PLA2G4F: variants seen among roughly 807,000 people sequenced by gnomAD.
The protein encoded by PLA2G4F is cytosolic phospholipase A2 zeta.
In PLA2G4F, 105 loss-of-function variants were observed where a neutral mutation model predicts 103.1. That is an observed-to-expected ratio of 1.02 (90% confidence interval 0.87 to 1.20). PLA2G4F has a LOEUF of 1.20. Among genes scored for constraint, PLA2G4F ranks in the 50% most tolerant of loss-of-function variants. The pLI is 0.00. For synonymous variants in PLA2G4F, 468 were observed against 441.1 expected (o/e 1.06, Z -0.76); for missense variants, 1,155 against 1,075.9 (o/e 1.07, Z -1.03).
chr15:42,140,376 TGAA>T lies in PLA2G4F; in HGVS notation c.*1605_*1607del, dbSNP rs1041420820. Reference sequence around the variant, plus strand: ...GTGCAGTTCTGAGCTGTGAACCCTATGAAGGTTTTACTAACAAGTTATTGATGA... The same window carrying T: ...GTGCAGTTCTGAGCTGTGAACCCTATGGTTTTACTAACAAGTTATTGATGA... On this transcript the variant is annotated 3_prime_UTR_variant, in exon 20 of 20. Coordinates refer to ENST00000397272, the MANE Select transcript of PLA2G4F (RefSeq NM_213600.4). 1 of 152,200 alleles carries T rather than the reference TGAA, an allele frequency of 6.6e-6. No homozygotes were observed. Among genetic ancestry groups the T allele is most frequent in the African/African-American group, 2.4e-5 (1 of 41,434 alleles). The allele number at this position is 152,200 out of a possible 1,614,324, so 9.4% of individuals were successfully genotyped here.
At chr15:42,149,896 C>A (rs2048936814) in intron 10 of PLA2G4F, 48 bp from the exon 11 acceptor site, 4 of 1,597,512 alleles carry the variant, frequency 2.5e-6, no homozygotes, top group Non-Finnish European at 1.7e-6. Context: ...GGGTGACTGT[C>A]CAGTGGAGGA....
At chr15:42,148,820 G>A (rs1416975196) in intron 11 of PLA2G4F, 33 of 985,154 alleles carry the variant, frequency 3.3e-5, no homozygotes, top group Admixed American at 6.2e-5. Flanking sequence ...TTCTCTTTTC[G>A]TCTCCTGTCT....
chr15:42,146,284 C>T (rs374277790), intron 13 of PLA2G4F, 43 bp from the exon 14 acceptor site: 1 of 1,575,196 alleles, frequency 6.3e-7, no homozygotes. Context: ...TTCAGGAGTT[C>T]CATTCCCCAT....
At chr15:42,145,106 G>A (rs978764353) in intron 16 of PLA2G4F, among the ~76,000 whole-genome samples, 1 of 152,200 alleles carries the variant, frequency 6.6e-6, no homozygotes, top group Non-Finnish European at 1.5e-5. Context: ...TAAGGACGAC[G>A]ACAGGGATGT....
chr15:42,139,524 A>G lies in PLA2G4F; in HGVS notation c.*2460T>C, dbSNP rs1157637774. On this transcript the variant is annotated 3_prime_UTR_variant, in exon 20 of 20. Coordinates refer to ENST00000397272, the MANE Select transcript of PLA2G4F (RefSeq NM_213600.4). ...TTTCTACCCAGCTTCAAGGGAAACC[A>G]TGCTTGCTCTTCTAGACAAATCCCT... 1 of 152,090 alleles carries G rather than the reference A, an allele frequency of 6.6e-6. No homozygotes were observed. Among genetic ancestry groups the G allele is most frequent in the African/African-American group, 2.4e-5 (1 of 41,374 alleles). 9.4% of individuals were successfully genotyped at this position (152,090 alleles called of 1,614,324 possible). A position where few individuals can be genotyped will look rare whatever the true frequency, so the allele number is the denominator to read the frequency against.
chr15:42,155,631 G>A, intron 1 of PLA2G4F, 42 bp from the exon 2 acceptor site: 3 of 1,583,728 alleles, frequency 1.9e-6, no homozygotes, highest in Non-Finnish European at 2.6e-6. Flanking sequence ...GCTAGTGTGA[G>A]CCTGGTCCCT....
intron 19 of PLA2G4F, 111 bp from the exon 20 acceptor site, chr15:42,142,315 C>T (rs1408827968): frequency 5.1e-6 from 6 of 1,178,994 alleles, no homozygotes; most frequent in Non-Finnish European, 4.7e-6. Flanking sequence ...CCCTGCGGGC[C>T]CTGCTTGGGC....
intron 17 of PLA2G4F, 76 bp downstream of exon 17, chr15:42,144,374 C>G: frequency 6.4e-7 from 1 of 1,562,470 alleles, no homozygotes; most frequent in South Asian, 1.1e-5. Flanking sequence ...CAGCCCAAAG[C>G]CAGCACTGGC....
chr15:42,152,475 G>A (rs1483714060), intron 7 of PLA2G4F, among the ~76,000 whole-genome samples: 1 of 152,262 alleles, frequency 6.6e-6, no homozygotes, highest in Non-Finnish European at 1.5e-5. Context: ...AGTGTTTGTT[G>A]TAGAGCAATA....
Position 42,145,608 on chromosome 15 carries a change from G to A in PLA2G4F, c.1747C>T (p.Leu583=). The A allele has an allele frequency of 6.2e-7, 1 of 1,614,130 alleles. No individual in the cohort carries two copies. Among genetic ancestry groups the A allele is most frequent in the Non-Finnish European group, 8.5e-7 (1 of 1,180,012 alleles). ...LKTAGSGLSF[L]EWYRGSVNIT... ...TTCACACTGCCTCTGTACCACTCCAGGAAGCTGAGGCCCGAGCCGGCGGTC... is the reference window on the plus strand; with the variant it reads ...TTCACACTGCCTCTGTACCACTCCAAGAAGCTGAGGCCCGAGCCGGCGGTC... Residue 583 remains leucine (L), a synonymous_variant, in exon 16 of 20, where the codon CTG becomes TTG. Transcript: ENST00000397272.
chr15:42,155,105 ACACT>A (rs748012195), intron 2 of PLA2G4F, among the ~76,000 whole-genome samples: 83 of 150,228 alleles, frequency 5.5e-4, no homozygotes, highest in Admixed American at 1.1e-3. Flanking sequence ...ACACACATAC[ACACT>A]CACGTTCACA....
chr15:42,149,627 C>T, intron 11 of PLA2G4F, 86 bp downstream of exon 11: 1 of 1,559,322 alleles, frequency 6.4e-7, no homozygotes. Context: ...TCCTCTGGCC[C>T]CTCTTAGCCA....
chr15:42,142,417 C>A, intron 19 of PLA2G4F, 111 bp downstream of exon 19: 1 of 1,349,496 alleles, frequency 7.4e-7, no homozygotes. Context: ...CAGCTCAGGC[C>A]CACCAGGAGG....
intron 4 of PLA2G4F, 99 bp downstream of exon 4, chr15:42,153,993 G>A: frequency 6.5e-7 from 1 of 1,547,338 alleles, no homozygotes; most frequent in Non-Finnish European, 8.8e-7. Context: ...GGTCTGCCTT[G>A]GAGGCTTGGC....
At chr15:42,144,425 A>G in intron 17 of PLA2G4F, 25 bp downstream of exon 17, 1 of 1,610,018 alleles carries the variant, frequency 6.2e-7, no homozygotes. Flanking sequence ...GAAGCCCCCC[A>G]TCTCCCACCC....
intron 11 of PLA2G4F, chr15:42,148,740 T>C (rs1188285059): frequency 3.0e-6 from 3 of 985,290 alleles, no homozygotes; most frequent in East Asian, 2.3e-4. Context: ...TCAGAGTCCA[T>C]GCTTTTGGTT....
rs149624289 is a variant in PLA2G4F at position 42,144,611 on chromosome 15, G to A, written c.1814C>T (p.Ser605Leu). 6.1e-5 allele frequency: 98 copies of A among 1,608,174 alleles called. 1 individual carries two copies. The Admixed American group carries it at 7.9e-4, about 13-fold the overall frequency. ...GGTGAGGAGCCTCGTTCGCAGCCTC[G>A]AGGGGTTGTGCAGCTGAGGCTTCTG... ...DCQKPQLHNP[S>L]RLRTRLLTPQ... Residue 605 changes from serine (S) to leucine (L), a missense_variant, in exon 17 of 20, where the codon TCG becomes TTG. By Grantham distance (145) the Ser-to-Leu change is moderately radical. This residue lies in a region of PLA2G4F where 782 missense variants were observed against 692.9 expected (regional missense o/e 1.13). Transcript: ENST00000397272.
chr15:42,151,459 G>A, intron 7 of PLA2G4F: 6 of 985,282 alleles, frequency 6.1e-6, no homozygotes, highest in Non-Finnish European at 7.2e-6. Flanking sequence ...AGGGAGAAAT[G>A]GCTGCACATG....
intron 12 of PLA2G4F, 86 bp downstream of exon 12, chr15:42,147,540 C>T: frequency 2.6e-6 from 4 of 1,518,170 alleles, no homozygotes; most frequent in Non-Finnish European, 2.7e-6. Context: ...ATCCCAGCCC[C>T]TCAGGGACTC....
Sources: allele counts gnomAD v4.1 joint callset (sites outside exome capture counted in the v4.1 genomes callset), GRCh38; gene constraint gnomAD v4.1.1; regional missense constraint gnomAD v4.1.1; transcripts MANE v1.5; gene names NCBI Gene and HGNC (gene_info 2026-07-23, HGNC 2026-07-21).